FRMD4B: variants seen among roughly 807,000 people sequenced by gnomAD.
The protein encoded by FRMD4B is FERM domain containing 4B.
A neutral mutation model predicts 141.5 loss-of-function variants in FRMD4B; 74 were observed. That is an observed-to-expected ratio of 0.52 (90% CI 0.43 to 0.63). FRMD4B has a LOEUF of 0.63. FRMD4B is among the 30% of genes least tolerant of loss of function. FRMD4B has a pLI of 0.00. For missense variants in FRMD4B, 1,366 were observed against 1,253.4 expected, an observed-to-expected ratio of 1.09 and a Z score of -1.36; for synonymous variants, 506 against 467.9, an observed-to-expected ratio of 1.08 and a Z score of -1.05.
At chr3:69,268,932 T>G (rs1458980199) in intron 5 of FRMD4B, among the ~76,000 whole-genome samples, 3 of 151,516 alleles carry the variant, frequency 2.0e-5, no homozygotes, top group Non-Finnish European at 4.4e-5. Context: ...ATGAGAATTT[T>G]TTTTTTTTTT....
chr3:69,337,618 C>T (rs1702599978), intron 1 of FRMD4B, among the ~76,000 whole-genome samples: 1 of 152,088 alleles, frequency 6.6e-6, no homozygotes, highest in Non-Finnish European at 1.5e-5. Context: ...AAGAAAAAAA[C>T]AAACAACCCC....
At chr3:69,183,549 T>C (rs1037299182) in intron 19 of FRMD4B, among the ~76,000 whole-genome samples, 2 of 149,626 alleles carry the variant, frequency 1.3e-5, no homozygotes, top group Middle Eastern at 3.4e-3. Flanking sequence ...GTGGTGTGAT[T>C]TTGGCTCACT....
At chr3:69,512,006 A>G (rs1252949674) in intron 1 of FRMD4B, among the ~76,000 whole-genome samples, 4 of 152,236 alleles carry the variant, frequency 2.6e-5, no homozygotes, top group Non-Finnish European at 5.9e-5. Context: ...AGAGGAGGCA[A>G]TGAACATTCC....
At chr3:69,541,617 A>C (rs903594598) in intron 1 of FRMD4B, among the ~76,000 whole-genome samples, 1 of 152,190 alleles carries the variant, frequency 6.6e-6, no homozygotes, top group African/African-American at 2.4e-5. Flanking sequence ...GCTAAAGATT[A>C]TATTTATTTT....
intron 1 of FRMD4B, among the ~76,000 whole-genome samples, chr3:69,453,752 G>A (rs762482833): frequency 1.1e-4 from 17 of 152,214 alleles, no homozygotes; most frequent in Non-Finnish European, 2.1e-4. Context: ...TTTGAGAGCA[G>A]GTCCTGGCCA....
In FRMD4B at chr3:69,421,005, G is replaced by A. The variant is rs62251456; in HGVS notation, c.-1+11629C>T. 6.0e-3 allele frequency among the ~76,000 whole-genome samples: 920 copies of A among 152,212 alleles called. 1 individual carries two copies. The highest frequency in any genetic ancestry group is 8.4e-3 in the Non-Finnish European group (573 of 67,994). ...AAGTTCAGGCCTCCCTCCCTCCCAC[G>A]CCCTCACTCCCCATTGTGGCTCACA... is the stretch of plus-strand genomic sequence containing the variant. On this transcript the variant is annotated intron_variant, in intron 2 of 5. Transcript: ENST00000459638.
chr3:69,487,928 C>T (rs1450156891), intron 1 of FRMD4B, among the ~76,000 whole-genome samples: 2 of 152,078 alleles, frequency 1.3e-5, no homozygotes, highest in Non-Finnish European at 2.9e-5. Flanking sequence ...AATAAAAATG[C>T]ATTCTATTTT....
At chr3:69,332,467 G>A (rs1227562935) in intron 1 of FRMD4B, among the ~76,000 whole-genome samples, 1 of 152,200 alleles carries the variant, frequency 6.6e-6, no homozygotes, top group Non-Finnish European at 1.5e-5. Context: ...CTCAGGTGAG[G>A]ATGGCCAAGA....
At chr3:69,195,415 C>A in intron 14 of FRMD4B, 51 bp from the exon 15 acceptor site, 1 of 1,481,462 alleles carries the variant, frequency 6.8e-7, no homozygotes, top group Non-Finnish European at 9.1e-7. Flanking sequence ...ATGTTTCCTT[C>A]CTTTCTAAGG....
rs536086805 is a variant in FRMD4B at position 69,246,088 on chromosome 3, C to T, written c.581+3138G>A. ...CCGACCTCAGGTGATCCACCTGCCT[C>T]GGCCTCCCAAAGTGCTGGGATTATA... On this transcript the variant is annotated intron_variant, in intron 7 of 22. Transcript: ENST00000398540. Among the ~76,000 whole-genome samples the T allele has an allele frequency of 1.4e-3, 220 of 152,250 alleles. 1 individual carries two copies. The highest frequency in any genetic ancestry group is 5.0e-3 in the African/African-American group (206 of 41,576).
chr3:69,468,585 C>T (rs539214946), intron 1 of FRMD4B, among the ~76,000 whole-genome samples: 1 of 152,230 alleles, frequency 6.6e-6, no homozygotes, highest in African/African-American at 2.4e-5. Context: ...AAGGGAGATA[C>T]TTATGGACAA....
At chr3:69,257,690 C>G (rs184790840) in intron 5 of FRMD4B, among the ~76,000 whole-genome samples, 1 of 151,566 alleles carries the variant, frequency 6.6e-6, no homozygotes, top group Non-Finnish European at 1.5e-5. Flanking sequence ...GAGACAGAGT[C>G]TCTCTCTGTC....
intron 7 of FRMD4B, chr3:69,228,501 C>G: frequency 4.4e-6 from 2 of 455,362 alleles, no homozygotes; most frequent in South Asian, 3.1e-5. Context: ...ACAGATTTGA[C>G]TCTGTGTGAT....
At chr3:69,279,675 C>T (rs1351320143) in intron 5 of FRMD4B, among the ~76,000 whole-genome samples, 1 of 138,968 alleles carries the variant, frequency 7.2e-6, no homozygotes, top group African/African-American at 2.7e-5. Context: ...CCTTCTCCTC[C>T]TCCTCCTCCT....
intron 7 of FRMD4B, among the ~76,000 whole-genome samples, chr3:69,245,659 CTTTTCT>C (rs1366976337): frequency 5.6e-4 from 55 of 98,506 alleles, no homozygotes; most frequent in African/African-American, 2.1e-3. Context: ...GGCTGATTTT[CTTTTCT>C]TTTTTTTTTT....
intron 11 of FRMD4B, chr3:69,200,873 C>T (rs965229998): frequency 6.5e-5 from 30 of 459,808 alleles, no homozygotes; most frequent in African/African-American, 4.0e-4. Flanking sequence ...TTTTCCTTTG[C>T]GTCCATTCCC....
At chr3:69,414,755 G>A (rs1443181807) in intron 2 of FRMD4B, among the ~76,000 whole-genome samples, 9 of 152,148 alleles carry the variant, frequency 5.9e-5, no homozygotes, top group Non-Finnish European at 1.0e-4. Context: ...TGCGTAGGGC[G>A]TACCCAGAAG....
At chr3:69,411,026 C>T (rs1161890830) in intron 2 of FRMD4B, among the ~76,000 whole-genome samples, 1 of 152,020 alleles carries the variant, frequency 6.6e-6, no homozygotes, top group Non-Finnish European at 1.5e-5. Flanking sequence ...GCCGTATTCT[C>T]CTGTGGCAAA....
Position 69,221,145 on chromosome 3 carries a change from T to A in FRMD4B, c.731+713A>T, listed in dbSNP as rs530108065. On this transcript the variant is annotated intron_variant, in intron 9 of 22. Transcript: ENST00000398540. ...GCCTGGCTAATTTTTGTATTTTTAG[T>A]GGAGATGGGGTTTCACCATGTTGGC... 2.0e-5 allele frequency among the ~76,000 whole-genome samples: 3 copies of A among 152,096 alleles called. No individual in the cohort carries two copies. The East Asian group carries it at 5.8e-4, about 30-fold the overall frequency.
Sources: allele counts gnomAD v4.1 joint callset (sites outside exome capture counted in the v4.1 genomes callset), GRCh38; gene constraint gnomAD v4.1.1; transcripts MANE v1.5; gene names NCBI Gene and HGNC (gene_info 2026-07-23, HGNC 2026-07-21).